The following SLC10A7 variants were observed in gnomAD, a reference collection of about 807,000 sequenced individuals.
SLC10A7 encodes sodium/bile acid cotransporter 7.
In SLC10A7, 29 loss-of-function variants were observed where a neutral mutation model predicts 43.2. That is an observed-to-expected ratio of 0.67 (90% CI 0.50 to 0.92). The LOEUF is 0.92. Ranked by LOEUF, SLC10A7 falls within the 40% of genes least tolerant of loss-of-function variation. SLC10A7 has a pLI of 0.00. For synonymous variants in SLC10A7, 152 were observed against 144.8 expected, an observed-to-expected ratio of 1.05 and a Z score of -0.35; for missense variants, 295 against 403.2, an observed-to-expected ratio of 0.73 and a Z score of 2.30.
intron 4 of SLC10A7, among the ~76,000 whole-genome samples, chr4:146,480,483 C>T (rs866880431): frequency 3.3e-5 from 5 of 152,240 alleles, no homozygotes; most frequent in East Asian, 3.9e-4. Flanking sequence ...AAGGACCCCA[C>T]GTCCTATTCT....
intron 4 of SLC10A7, among the ~76,000 whole-genome samples, chr4:146,447,676 A>C (rs1731222743): frequency 6.6e-6 from 1 of 152,086 alleles, no homozygotes; most frequent in Admixed American, 6.6e-5. Context: ...GCTAAAAAAA[A>C]AAAAGTTCAT....
intron 4 of SLC10A7, among the ~76,000 whole-genome samples, chr4:146,468,635 A>T (rs547129372): frequency 1.4e-4 from 22 of 151,948 alleles, no homozygotes; most frequent in African/African-American, 5.3e-4. Flanking sequence ...ACACCCGGCT[A>T]ATTTTTAGTA....
At chr4:146,517,014 C>T (rs1738067420) in intron 2 of SLC10A7, 24 bp downstream of exon 2, 4 of 1,526,340 alleles carry the variant, frequency 2.6e-6, no homozygotes, top group Non-Finnish European at 2.7e-6. Context: ...CCCTGCTTTT[C>T]ATGTGTCCCA....
At chr4:146,311,034 C>T (rs1287874397) in intron 6 of SLC10A7, among the ~76,000 whole-genome samples, 1 of 152,022 alleles carries the variant, frequency 6.6e-6, no homozygotes, top group Non-Finnish European at 1.5e-5. Context: ...TGACTGGTTT[C>T]TCGACTCTCC....
chr4:146,312,621 T>C (rs992217785), intron 6 of SLC10A7, among the ~76,000 whole-genome samples: 1 of 152,160 alleles, frequency 6.6e-6, no homozygotes, highest in Non-Finnish European at 1.5e-5. Context: ...CCTTCTACTC[T>C]GTTTCTATGA....
intron 3 of SLC10A7, among the ~76,000 whole-genome samples, chr4:146,505,214 T>C (rs1332546288): frequency 6.6e-6 from 1 of 152,210 alleles, no homozygotes; most frequent in Non-Finnish European, 1.5e-5. Flanking sequence ...GCAAGACTTC[T>C]TCCTCTTCAT....
intron 3 of SLC10A7, among the ~76,000 whole-genome samples, chr4:146,507,614 C>T (rs1200593258): frequency 6.6e-6 from 1 of 151,988 alleles, no homozygotes; most frequent in Non-Finnish European, 1.5e-5. Context: ...ACTAACTTTC[C>T]AGTTTCCTCC....
intron 6 of SLC10A7, among the ~76,000 whole-genome samples, chr4:146,320,861 A>C (rs1361425744): frequency 6.6e-6 from 1 of 151,992 alleles, no homozygotes; most frequent in Non-Finnish European, 1.5e-5. Flanking sequence ...TGGAGAACGC[A>C]TGGGAAATGA....
At chr4:146,366,286 C>A (rs1161320257) in intron 5 of SLC10A7, among the ~76,000 whole-genome samples, 2 of 152,138 alleles carry the variant, frequency 1.3e-5, no homozygotes, top group African/African-American at 2.4e-5. Flanking sequence ...ATGTAACCAT[C>A]CCAGTGGGAT....
At chr4:146,437,010 T>C (rs751781857) in intron 5 of SLC10A7, among the ~76,000 whole-genome samples, 7 of 152,162 alleles carry the variant, frequency 4.6e-5, no homozygotes, top group South Asian at 2.1e-4. Context: ...AAGCACTGCA[T>C]TGAAGACAGT....
At chr4:146,510,490 A>T (rs1478243329) in intron 2 of SLC10A7, among the ~76,000 whole-genome samples, 1 of 152,040 alleles carries the variant, frequency 6.6e-6, no homozygotes, top group Non-Finnish European at 1.5e-5. Flanking sequence ...TGATCTCCTG[A>T]CCTCATGATC....
intron 4 of SLC10A7, among the ~76,000 whole-genome samples, chr4:146,497,070 A>G (rs1447529483): frequency 1.3e-5 from 2 of 152,224 alleles, no homozygotes; most frequent in East Asian, 3.8e-4. Context: ...TTTTAAAAGA[A>G]GGAGATTCTT....
chr4:146,349,487 A>G (rs532575284), intron 5 of SLC10A7, among the ~76,000 whole-genome samples: 1 of 152,316 alleles, frequency 6.6e-6, no homozygotes, highest in East Asian at 1.9e-4. Context: ...CTACCATTCA[A>G]CTCAGCCAAT....
chr4:146,503,501 A>C (rs1736608036), intron 4 of SLC10A7, among the ~76,000 whole-genome samples: 1 of 152,172 alleles, frequency 6.6e-6, no homozygotes, highest in Non-Finnish European at 1.5e-5. Context: ...AATTTTTTGG[A>C]GATAAGGAAT....
chr4:146,433,846 T>C (rs1057315299), intron 5 of SLC10A7, among the ~76,000 whole-genome samples: 14 of 152,074 alleles, frequency 9.2e-5, no homozygotes, highest in Admixed American at 8.5e-4. Context: ...AGCCAAACCC[T>C]GTCTCAAAAA....
At chr4:146,493,198 A>C (rs549791466) in intron 4 of SLC10A7, among the ~76,000 whole-genome samples, 1 of 152,370 alleles carries the variant, frequency 6.6e-6, no homozygotes, top group East Asian at 1.9e-4. Context: ...AAGATGCAAA[A>C]ATATAAACAT....
intron 5 of SLC10A7, among the ~76,000 whole-genome samples, chr4:146,409,805 G>A (rs1230029453): frequency 6.6e-6 from 1 of 152,000 alleles, no homozygotes; most frequent in Non-Finnish European, 1.5e-5. Context: ...ATGCTGTGTT[G>A]GATAGTTATG....
chr4:146,513,786 A>G (rs1295734296), intron 2 of SLC10A7: 1 of 152,254 alleles, frequency 6.6e-6, no homozygotes, highest in East Asian at 1.9e-4. Flanking sequence ...ATAAAAGAAA[A>G]TAACAAGCAA....
intron 5 of SLC10A7, among the ~76,000 whole-genome samples, chr4:146,413,955 A>T (rs1297899663): frequency 6.6e-6 from 1 of 152,190 alleles, no homozygotes; most frequent in Admixed American, 6.5e-5. Flanking sequence ...TCAGGATATG[A>T]TCCAAGGGAA....
Sources: gnomAD v4.1 joint callset for allele counts (sites outside exome capture counted in the v4.1 genomes callset) on GRCh38, gnomAD v4.1.1 for gene constraint, MANE v1.5 for transcripts, NCBI Gene and HGNC (gene_info 2026-07-23, HGNC 2026-07-21) for gene names.